The following HPSE2 variants were observed in gnomAD, a reference collection of about 807,000 sequenced individuals.
HPSE2 encodes inactive heparanase-2.
Under a neutral mutation model 60.5 loss-of-function variants are expected in HPSE2, and 38 were observed. The observed-to-expected ratio is 0.63, with a 90% CI of 0.48 to 0.82. The LOEUF is 0.82. Ranked by LOEUF, HPSE2 falls within the 40% of genes least tolerant of loss-of-function variation. The pLI is 0.00. For synonymous variants in HPSE2, 295 were observed against 293.2 expected (o/e 1.01, Z -0.06); for missense variants, 713 against 740.4 (o/e 0.96, Z 0.43).
intron 3 of HPSE2, among the ~76,000 whole-genome samples, chr10:98,899,430 T>C (rs1044896869): frequency 6.6e-6 from 1 of 152,202 alleles, no homozygotes; most frequent in African/African-American, 2.4e-5. Context: ...AAAGGACTTG[T>C]ATCCAGATGA....
At chr10:98,489,517 GA>G (rs1941563367) in intron 10 of HPSE2, among the ~76,000 whole-genome samples, 5 of 152,158 alleles carry the variant, frequency 3.3e-5, no homozygotes, top group Admixed American at 3.3e-4. Context: ...CAAAACACTG[GA>G]AATGGCTCTA....
At chr10:99,116,058 G>A (rs1337696223) in intron 3 of HPSE2, among the ~76,000 whole-genome samples, 2 of 152,098 alleles carry the variant, frequency 1.3e-5, no homozygotes, top group Non-Finnish European at 2.9e-5. Flanking sequence ...CATCTAGTTA[G>A]CATCATGCCT....
At chr10:99,127,987 G>A (rs112644262) in intron 3 of HPSE2, among the ~76,000 whole-genome samples, 2,518 of 152,228 alleles carry the variant, frequency 0.017, 65 homozygotes, top group African/African-American at 0.057. Flanking sequence ...ATGCGAAAAG[G>A]AGTTCTAAAT....
intron 2 of HPSE2, among the ~76,000 whole-genome samples, chr10:99,223,046 G>A (rs181045377): frequency 6.6e-6 from 1 of 152,218 alleles, no homozygotes; most frequent in Non-Finnish European, 1.5e-5. Context: ...ATACACGACT[G>A]GGATCTAATC....
intron 2 of HPSE2, among the ~76,000 whole-genome samples, chr10:99,174,291 C>A (rs116932837): frequency 0.013 from 2,048 of 152,280 alleles, 22 homozygotes; most frequent in Non-Finnish European, 0.019. Context: ...AAATAATATT[C>A]ATTGTCCTTT....
intron 9 of HPSE2, among the ~76,000 whole-genome samples, chr10:98,514,807 C>T (rs1240799212): frequency 6.6e-6 from 1 of 150,780 alleles, no homozygotes; most frequent in African/African-American, 2.5e-5. Context: ...CAACCTCCAC[C>T]TACCTGGATC....
intron 6 of HPSE2, among the ~76,000 whole-genome samples, chr10:98,656,669 T>C (rs982683877): frequency 1.3e-5 from 2 of 152,094 alleles, no homozygotes; most frequent in African/African-American, 2.4e-5. Context: ...TTATAGACAC[T>C]AGATTTTGTT....
At chr10:98,648,715 C>A (rs1279436433) in intron 6 of HPSE2, among the ~76,000 whole-genome samples, 1 of 151,864 alleles carries the variant, frequency 6.6e-6, no homozygotes, top group Non-Finnish European at 1.5e-5. Flanking sequence ...CAGTACTCAG[C>A]CTGGGTGACA....
intron 2 of HPSE2, among the ~76,000 whole-genome samples, chr10:99,194,657 A>C (rs1848332493): frequency 1.3e-5 from 2 of 151,818 alleles, no homozygotes; most frequent in East Asian, 3.8e-4. Flanking sequence ...ACCTAAAAGA[A>C]ACAAACACAT....
At chr10:98,626,648 A>AT (rs924126437) in intron 7 of HPSE2, among the ~76,000 whole-genome samples, 1 of 151,992 alleles carries the variant, frequency 6.6e-6, no homozygotes, top group Non-Finnish European at 1.5e-5. Context: ...CTGGGAATTG[A>AT]TTTTTTTTCC....
chr10:98,537,440 T>C (rs1411470017), intron 9 of HPSE2, among the ~76,000 whole-genome samples: 2 of 152,216 alleles, frequency 1.3e-5, no homozygotes, highest in African/African-American at 4.8e-5. Flanking sequence ...ATAGTCATAA[T>C]ACAAATTAGA....
At chr10:99,289,933 A>G in the HPSE2 span, among the ~76,000 whole-genome samples, 6 of 152,182 alleles carry the variant, frequency 3.9e-5, no homozygotes, top group Non-Finnish European at 7.4e-5. Context: ...GTATAAATGA[A>G]CTAAAACCTC....
chr10:98,878,778 C>A (rs868794714), intron 3 of HPSE2, among the ~76,000 whole-genome samples: 1 of 151,910 alleles, frequency 6.6e-6, no homozygotes, highest in African/African-American at 2.4e-5. Context: ...ATAATTAAAA[C>A]ATTACTCTGG....
At position 98,482,740 on chromosome 10, in the gene HPSE2, G is replaced by A; in HGVS notation, c.1509C>T (p.Asn503=). 1 of 1,614,194 alleles carries A rather than the reference G, an allele frequency of 6.2e-7. No individual in the cohort carries two copies. The highest frequency in any genetic ancestry group is 2.2e-5 in the East Asian group (1 of 44,880). The change falls in exon 11 of 12, where the codon AAC becomes AAT. Residue 503 remains asparagine (N), a synonymous_variant. Transcript: ENST00000370552. Reference sequence around the variant, plus strand: ...TGATTTTCTTTCTTGATCGATGCAAGTTGATGATAAAAAGTGTAATGGACC... The same window carrying A: ...TGATTTTCTTTCTTGATCGATGCAAATTGATGATAAAAAGTGTAATGGACC... ...VRGSITLFII[N]LHRSRKKIKL...
At chr10:98,611,213 A>G (rs1945749115) in intron 9 of HPSE2, among the ~76,000 whole-genome samples, 1 of 152,222 alleles carries the variant, frequency 6.6e-6, no homozygotes. Context: ...TGGAGGAATA[A>G]CCATGAAGAA....
intron 3 of HPSE2, among the ~76,000 whole-genome samples, chr10:98,999,786 G>C (rs750449455): frequency 6.6e-6 from 1 of 152,156 alleles, no homozygotes; most frequent in South Asian, 2.1e-4. Flanking sequence ...ACACTCCAAA[G>C]ATAGGCCTGG....
intron 3 of HPSE2, among the ~76,000 whole-genome samples, chr10:99,058,197 C>T (rs985012936): frequency 6.6e-6 from 1 of 152,178 alleles, no homozygotes; most frequent in African/African-American, 2.4e-5. Flanking sequence ...TCACACACAC[C>T]ATCTGGAATT....
chr10:99,029,969 C>T (rs960499569), intron 3 of HPSE2, among the ~76,000 whole-genome samples: 4 of 152,194 alleles, frequency 2.6e-5, no homozygotes, highest in Non-Finnish European at 4.4e-5. Flanking sequence ...CGGGCATCTT[C>T]CCAGACACTG....
At chr10:99,060,645 C>T (rs139731528) in intron 3 of HPSE2, among the ~76,000 whole-genome samples, 1,307 of 104,148 alleles carry the variant, frequency 0.013, 16 homozygotes, top group Middle Eastern at 0.11. Flanking sequence ...GCAATAAGAG[C>T]GAAACTCTGT....
Sources: allele counts gnomAD v4.1 joint callset (sites outside exome capture counted in the v4.1 genomes callset), GRCh38; gene constraint gnomAD v4.1.1; transcripts MANE v1.5; gene names NCBI Gene and HGNC (gene_info 2026-07-23, HGNC 2026-07-21).